Variants in R3HDM1 observed in about 807,000 individuals in gnomAD.
R3HDM1 encodes R3H domain-containing protein 1.
R3HDM1 carries 46 observed loss-of-function variants against 141.1 expected under a neutral mutation model. The observed-to-expected ratio is 0.33, with a 90% CI of 0.26 to 0.42. The LOEUF (loss-of-function observed/expected upper bound fraction) is 0.42. R3HDM1 is among the 10% of genes least tolerant of loss of function. R3HDM1 has a pLI of 1.00. For synonymous variants in R3HDM1, 435 were observed against 472.9 expected (o/e 0.92, Z 1.04); for missense variants, 1,184 against 1,368.3 (o/e 0.87, Z 2.12).
chr2:135,710,325 G>A, intron 23 of R3HDM1, 94 bp downstream of exon 23: 1 of 1,351,562 alleles, frequency 7.4e-7, no homozygotes, highest in Non-Finnish European at 1.0e-6. Flanking sequence ...CCGTCAGCCA[G>A]ATTAATAAAA....
chr2:135,531,513 C>T lies in R3HDM1; in HGVS notation c.-370C>T, dbSNP rs899287536. The T allele has an allele frequency of 6.1e-6, 6 of 985,614 alleles. No individual in the cohort carries two copies. The highest frequency in any genetic ancestry group is 6.0e-6 in the Non-Finnish European group (5 of 829,954). The allele number at this position is 985,614 out of a possible 1,614,324, so 61.1% of individuals were successfully genotyped here. A position where few individuals can be genotyped will look rare whatever the true frequency, so the allele number is the denominator to read the frequency against. ...TGCCAGCCGCGGCTGCCGCTGGAGC[C>T]GGTGTCCGGGCTGGTGATGGGGTTA... is the stretch of plus-strand genomic sequence containing the variant. On this transcript the variant is annotated 5_prime_UTR_variant, in exon 1 of 27. Coordinates refer to ENST00000683871, the MANE Select transcript of R3HDM1 (RefSeq NM_001378107.1).
chr2:135,572,062 TCTC>T (rs949297910), intron 1 of R3HDM1, among the ~76,000 whole-genome samples: 36 of 152,186 alleles, frequency 2.4e-4, no homozygotes, highest in African/African-American at 7.2e-4. Flanking sequence ...TTCAAGCAAT[TCTC>T]CTGCCTTGGC....
chr2:135,691,597 C>CA (rs60358239), intron 21 of R3HDM1, among the ~76,000 whole-genome samples: 138 of 141,948 alleles, frequency 9.7e-4, no homozygotes, highest in East Asian at 3.7e-3. Context: ...CCCCTGTCTC[C>CA]AAAAAAAAAA....
In R3HDM1 at chr2:135,650,015, C is replaced by CTTT. The variant is rs1433415851; in HGVS notation, c.1725+13_1725+14insTTT. The CTTT allele has an allele frequency of 4.0e-6, 5 of 1,238,714 alleles. No individual in the cohort carries two copies. The African/African-American group carries it at 7.8e-5, about 19-fold the overall frequency. The allele number at this position is 1,238,714 out of a possible 1,614,324, so 76.7% of individuals were successfully genotyped here. ...AGCAATACTCTGTGGTACTATATCT[C>CTTT]TATTCACCTCCTGCGTTGTTTCTGT... On this transcript the variant is annotated intron_variant, in intron 17 of 26. Coordinates refer to ENST00000683871, the MANE Select transcript of R3HDM1 (RefSeq NM_001378107.1).
chr2:135,674,863 C>T (rs1376003966), intron 19 of R3HDM1, among the ~76,000 whole-genome samples: 1 of 151,774 alleles, frequency 6.6e-6, no homozygotes, highest in Admixed American at 6.6e-5. Context: ...GGGAATGGAA[C>T]CTCTGCAGAT....
intron 1 of R3HDM1, chr2:135,586,724 G>A (rs970627962): frequency 7.1e-6 from 7 of 985,242 alleles, no homozygotes; most frequent in Non-Finnish European, 8.4e-6. Context: ...CTTCTCAGCT[G>A]TAGCACCAAT....
At chr2:135,592,519 G>T (rs72988447) in intron 1 of R3HDM1, among the ~76,000 whole-genome samples, 38,755 of 151,852 alleles carry the variant, frequency 0.26, 8,666 homozygotes, top group African/African-American at 0.59. Context: ...AAGAATGAAT[G>T]ATTTTTTGAA....
chr2:135,645,751 T>C (rs1237496764), intron 16 of R3HDM1, among the ~76,000 whole-genome samples: 1 of 152,192 alleles, frequency 6.6e-6, no homozygotes, highest in East Asian at 1.9e-4. Flanking sequence ...GTTTTAATCA[T>C]ATGAGCCTGT....
chr2:135,609,593 C>G (rs1159591343), intron 3 of R3HDM1, among the ~76,000 whole-genome samples: 2 of 152,122 alleles, frequency 1.3e-5, no homozygotes, highest in Non-Finnish European at 2.9e-5. Context: ...TTTCTAAATC[C>G]AGAAAAATGT....
intron 1 of R3HDM1, among the ~76,000 whole-genome samples, chr2:135,595,139 T>G (rs1179157382): frequency 6.6e-6 from 1 of 152,230 alleles, no homozygotes; most frequent in African/African-American, 2.4e-5. Context: ...TTTCTCCACC[T>G]GAATGTCCTG....
intron 21 of R3HDM1, among the ~76,000 whole-genome samples, chr2:135,684,129 C>T (rs748105079): frequency 3.3e-5 from 5 of 152,000 alleles, no homozygotes; most frequent in Non-Finnish European, 7.4e-5. Flanking sequence ...CTCACTCTGT[C>T]GCCCAGGCTG....
intron 18 of R3HDM1, chr2:135,656,718 C>T (rs986831507): frequency 6.6e-6 from 1 of 152,124 alleles, no homozygotes; most frequent in Non-Finnish European, 1.5e-5. Context: ...ACATTCTCTC[C>T]GTCCTTTTGC....
At chr2:135,694,721 C>G (rs1265535834) in intron 21 of R3HDM1, among the ~76,000 whole-genome samples, 3 of 152,108 alleles carry the variant, frequency 2.0e-5, no homozygotes, top group Non-Finnish European at 4.4e-5. Context: ...TTAAGGAAGC[C>G]AAGGTAGCTA....
chr2:135,567,088 A>G lies in R3HDM1; in HGVS notation c.-249-35412A>G, dbSNP rs1312001107. 5.3e-5 allele frequency among the ~76,000 whole-genome samples: 8 copies of G among 152,250 alleles called. No individual in the cohort carries two copies. The East Asian group carries it at 1.5e-3, about 29-fold the overall frequency. ...AAGTTCTCAGTGTTTTCAAGTGTGA[A>G]AGAATTTGTTTTTAATTTAAAAAGT... On this transcript the variant is annotated intron_variant, in intron 1 of 26. Coordinates refer to ENST00000683871, the MANE Select transcript of R3HDM1 (RefSeq NM_001378107.1).
At chr2:135,644,300 C>T (rs995524258) in intron 15 of R3HDM1, among the ~76,000 whole-genome samples, 2 of 152,072 alleles carry the variant, frequency 1.3e-5, no homozygotes, top group South Asian at 2.1e-4. Flanking sequence ...GTCAGGAGTT[C>T]GAGACCAGCC....
intron 1 of R3HDM1, among the ~76,000 whole-genome samples, chr2:135,594,985 C>G (rs989271893): frequency 3.3e-5 from 5 of 151,732 alleles, no homozygotes; most frequent in Non-Finnish European, 4.4e-5. Context: ...ACACCCCCCC[C>G]CCTTTTCAAT....
chr2:135,692,029 C>T (rs2072475178), intron 21 of R3HDM1, among the ~76,000 whole-genome samples: 1 of 151,986 alleles, frequency 6.6e-6, no homozygotes, highest in African/African-American at 2.4e-5. Flanking sequence ...TCTCCTGCCT[C>T]AGACTCCCAA....
At chr2:135,599,036 C>T (rs2105091582) in intron 1 of R3HDM1, among the ~76,000 whole-genome samples, 1 of 152,210 alleles carries the variant, frequency 6.6e-6, no homozygotes, top group Non-Finnish European at 1.5e-5. Context: ...GAAGGACTTT[C>T]CCACCCAAAA....
intron 1 of R3HDM1, among the ~76,000 whole-genome samples, chr2:135,577,666 C>T (rs917092093): frequency 4.6e-5 from 7 of 151,596 alleles, no homozygotes; most frequent in African/African-American, 1.2e-4. Context: ...GGAGAAACCC[C>T]GTCTTTACTA....
Sources: allele counts gnomAD v4.1 joint callset (sites outside exome capture counted in the v4.1 genomes callset), GRCh38; gene constraint gnomAD v4.1.1; transcripts MANE v1.5; gene names NCBI Gene and HGNC (gene_info 2026-07-23, HGNC 2026-07-21).